THSD7B: variants seen among roughly 807,000 people sequenced by gnomAD.
The protein encoded by THSD7B is thrombospondin type-1 domain-containing protein 7B.
In THSD7B, 138 loss-of-function variants were observed where a neutral mutation model predicts 213.6. That is an observed-to-expected ratio of 0.65 (90% CI 0.56 to 0.74). The LOEUF is 0.74. THSD7B is among the 30% of genes least tolerant of loss of function. THSD7B has a pLI of 0.00. For missense variants in THSD7B, 1,931 were observed against 1,991.5 expected (o/e 0.97, Z 0.58); for synonymous variants, 742 against 687.0 (o/e 1.08, Z -1.25).
chr2:137,424,366 A>G (rs1292736675), intron 14 of THSD7B, among the ~76,000 whole-genome samples: 3 of 152,284 alleles, frequency 2.0e-5, no homozygotes, highest in African/African-American at 7.2e-5. Context: ...AGAATATATA[A>G]CTAAAGAGGC....
chr2:137,231,262 T>C (rs1681634610), intron 8 of THSD7B, 27 bp downstream of exon 8: 1 of 1,570,994 alleles, frequency 6.4e-7, no homozygotes. Flanking sequence ...GTTTTCACTT[T>C]GGATTCATTA....
chr2:136,779,424 GT>G (rs1681687653), intron 1 of THSD7B, among the ~76,000 whole-genome samples: 1 of 152,088 alleles, frequency 6.6e-6, no homozygotes, highest in Non-Finnish European at 1.5e-5. Context: ...CTTAATTTAT[GT>G]TGTAGCCTTT....
At chr2:137,157,396 A>G (rs1349835289) in intron 5 of THSD7B, among the ~76,000 whole-genome samples, 1 of 152,168 alleles carries the variant, frequency 6.6e-6, no homozygotes, top group Non-Finnish European at 1.5e-5. Context: ...TGCTGGGCTA[A>G]AAATGTTGAA....
intron 14 of THSD7B, among the ~76,000 whole-genome samples, chr2:137,419,250 A>C (rs1686867754): frequency 6.6e-6 from 1 of 151,338 alleles, no homozygotes; most frequent in Admixed American, 6.6e-5. Context: ...CCCCTTTGCC[A>C]GCTTTGCTGC....
chr2:137,083,895 T>G (rs1320273465), intron 3 of THSD7B, among the ~76,000 whole-genome samples: 1 of 152,176 alleles, frequency 6.6e-6, no homozygotes, highest in Non-Finnish European at 1.5e-5. Flanking sequence ...CACTGTATGA[T>G]TAAGAGTTTC....
At position 137,656,857 on chromosome 2, in the gene THSD7B, AAGAAG is replaced by A; in HGVS notation, c.4168_4172del (p.Arg1390LeufsTer2). On this transcript the variant is annotated frameshift_variant, in exon 23 of 28. Transcript: ENST00000409968. LOFTEE classifies it high-confidence loss of function. ...CATGTGAATTAACCTGCATTGATGG[AAGAAG>A]CTTTGAGACTGTGGGCCGCCAGTCT... 1.2e-6 allele frequency: 2 copies of A among 1,614,018 alleles called. No homozygotes were observed. The highest frequency in any genetic ancestry group is 1.7e-6 in the Non-Finnish European group (2 of 1,179,896).
At chr2:137,223,035 T>A (rs2105046347) in intron 7 of THSD7B, among the ~76,000 whole-genome samples, 1 of 152,294 alleles carries the variant, frequency 6.6e-6, no homozygotes, top group East Asian at 1.9e-4. Context: ...TTCCCTGTGT[T>A]TAGGCACAGA....
rs570903160 is a variant in THSD7B at position 137,575,409 on chromosome 2, A to C, written c.3423+2853A>C. 3.9e-5 allele frequency among the ~76,000 whole-genome samples: 6 copies of C among 152,138 alleles called. No individual in the cohort carries two copies. In the South Asian group the frequency reaches 1.2e-3, roughly 31 times the overall value. ...AGTTATTACTTGATCTTTTAGAAATAAAATGTCACCTCCATTACTGAAACA... is the reference window on the plus strand; with the variant it reads ...AGTTATTACTTGATCTTTTAGAAATCAAATGTCACCTCCATTACTGAAACA... On this transcript the variant is annotated intron_variant, in intron 17 of 27. Coordinates refer to ENST00000409968, the MANE Select transcript of THSD7B (RefSeq NM_001316349.2).
intron 1 of THSD7B, among the ~76,000 whole-genome samples, chr2:136,817,794 A>G (rs1281897800): frequency 6.7e-6 from 1 of 149,518 alleles, no homozygotes; most frequent in Non-Finnish European, 1.5e-5. Flanking sequence ...ACACATGAAA[A>G]AATGCTCATC....
intron 25 of THSD7B, among the ~76,000 whole-genome samples, chr2:137,660,204 G>A (rs1007713248): frequency 9.2e-5 from 14 of 151,612 alleles, no homozygotes; most frequent in Admixed American, 2.0e-4. Context: ...TATGTGTATG[G>A]GGTGGCGGTT....
At chr2:137,424,632 T>C (rs1687000862) in intron 14 of THSD7B, among the ~76,000 whole-genome samples, 1 of 152,146 alleles carries the variant, frequency 6.6e-6, no homozygotes, top group South Asian at 2.1e-4. Context: ...ACCCAAATCA[T>C]ATGATCATCT....
At chr2:137,305,899 T>C (rs536422608) in intron 12 of THSD7B, among the ~76,000 whole-genome samples, 2 of 152,280 alleles carry the variant, frequency 1.3e-5, no homozygotes, top group East Asian at 3.9e-4. Flanking sequence ...GCTACAAACC[T>C]GTACTGCATG....
At chr2:137,071,479 T>C (rs1358368797) in intron 3 of THSD7B, among the ~76,000 whole-genome samples, 5 of 152,212 alleles carry the variant, frequency 3.3e-5, no homozygotes, top group Non-Finnish European at 7.3e-5. Flanking sequence ...ATGAGTAGAT[T>C]GCAAAAATTT....
chr2:137,632,051 CAT>C (rs1682751505), intron 20 of THSD7B, among the ~76,000 whole-genome samples: 1 of 152,168 alleles, frequency 6.6e-6, no homozygotes, highest in African/African-American at 2.4e-5. Flanking sequence ...CCCAAGGTTA[CAT>C]AGTTTGTCAG....
intron 10 of THSD7B, among the ~76,000 whole-genome samples, chr2:137,250,505 G>A (rs1384011639): frequency 6.6e-6 from 1 of 152,126 alleles, no homozygotes; most frequent in East Asian, 1.9e-4. Context: ...AGAAAATAGG[G>A]CTTAAAGATA....
chr2:137,476,041 A>AT (rs1435767186), intron 15 of THSD7B, among the ~76,000 whole-genome samples: 1 of 152,030 alleles, frequency 6.6e-6, no homozygotes, highest in Non-Finnish European at 1.5e-5. Flanking sequence ...GTACTTTTGC[A>AT]TTTTCTCAAT....
chr2:137,296,632 A>G (rs781376745), intron 12 of THSD7B, among the ~76,000 whole-genome samples: 2 of 152,160 alleles, frequency 1.3e-5, no homozygotes, highest in African/African-American at 2.4e-5. Flanking sequence ...CTACCATTGA[A>G]TGCTAAATGA....
chr2:137,002,086 T>G (rs1686010477), intron 2 of THSD7B, among the ~76,000 whole-genome samples: 1 of 152,160 alleles, frequency 6.6e-6, no homozygotes, highest in Admixed American at 6.6e-5. Context: ...GCCTTCCGCA[T>G]ATGACTGTTT....
intron 15 of THSD7B, chr2:137,512,127 TC>T (rs994385649): frequency 2.0e-5 from 3 of 152,108 alleles, no homozygotes; most frequent in African/African-American, 7.2e-5. Flanking sequence ...TAAACTTTTC[TC>T]CCATCCAAGT....
Sources: gnomAD v4.1 joint callset for allele counts (sites outside exome capture counted in the v4.1 genomes callset) on GRCh38, gnomAD v4.1.1 for gene constraint, MANE v1.5 for transcripts, NCBI Gene and HGNC (gene_info 2026-07-23, HGNC 2026-07-21) for gene names.